The following CYP2A7 variants were observed in gnomAD, a reference collection of about 807,000 sequenced individuals.
CYP2A7 encodes cytochrome P450 2A7.
In CYP2A7, 36 loss-of-function variants were observed where a neutral mutation model predicts 42.0. The ratio of observed to expected loss-of-function variants is 0.86; its 90% CI spans 0.66 to 1.13. CYP2A7 has a LOEUF of 1.13. CYP2A7 is among the 50% of genes most tolerant of loss of function. The pLI, the probability that CYP2A7 is intolerant of heterozygous loss-of-function variation, is 0.00. For missense variants in CYP2A7, 661 were observed against 634.1 expected, an observed-to-expected ratio of 1.04 and a Z score of -0.46; for synonymous variants, 260 against 249.5, an observed-to-expected ratio of 1.04 and a Z score of -0.40.
At chr19:40,878,353 G>A (rs568066404) in intron 5 of CYP2A7, among the ~76,000 whole-genome samples, 5 of 151,720 alleles carry the variant, frequency 3.3e-5, no homozygotes, top group South Asian at 4.2e-4. Flanking sequence ...CTGCACACGC[G>A]CATGACCATG....
intron 2 of CYP2A7, 144 bp downstream of exon 2, chr19:40,881,445 C>G: frequency 1.4e-6 from 2 of 1,400,138 alleles, no homozygotes; most frequent in Non-Finnish European, 1.9e-6. Flanking sequence ...ATGGAGAGGC[C>G]ACAGTGAAGG....
chr19:40,876,617 A>G lies in CYP2A7; in HGVS notation c.1213T>C (p.Phe405Leu). The change falls in exon 8 of 9, where the codon TTC (phenylalanine) becomes CTC (leucine). Residue 405 changes from phenylalanine to leucine, a missense_variant. Coordinates refer to ENST00000301146, the MANE Select transcript of CYP2A7 (RefSeq NM_000764.3). ...LGSVLRDPSF[F>L]SNPQDFNPQH... ...GGATTGAAGTCCTGAGGGTTGGAGA[A>G]GAAGCTGGGGTCTCTCAGCACGGAG... is the stretch of plus-strand genomic sequence containing the variant. 6.2e-7 allele frequency: 1 copy of G among 1,613,088 alleles called. No individual in the cohort carries two copies. Among genetic ancestry groups the G allele is most frequent in the South Asian group, 1.1e-5 (1 of 91,030 alleles).
intron 4 of CYP2A7, 149 bp downstream of exon 4, chr19:40,879,935 G>T: frequency 1.5e-6 from 2 of 1,332,576 alleles, no homozygotes; most frequent in South Asian, 2.8e-5. Context: ...CAGGCTTCTG[G>T]TGCAACTGTC....
chr19:40,878,648 T>C, intron 5 of CYP2A7, 112 bp downstream of exon 5: 1 of 1,443,170 alleles, frequency 6.9e-7, no homozygotes, highest in East Asian at 2.4e-5. Context: ...TTGTGAGGAT[T>C]ATTATGATGA....
At chr19:40,878,708 G>C (rs1967591428) in intron 5 of CYP2A7, 52 bp downstream of exon 5, 1 of 1,599,030 alleles carries the variant, frequency 6.3e-7, no homozygotes, top group Non-Finnish European at 8.5e-7. Context: ...CTCCCAGTCT[G>C]ATTTCCCTCT....
In CYP2A7 at chr19:40,880,064, G is replaced by C. The variant is rs781141177; in HGVS notation, c.654+20C>G. The C allele has an allele frequency of 1.9e-6, 3 of 1,611,142 alleles. No homozygotes were observed. Among genetic ancestry groups the C allele is most frequent in the South Asian group, 1.1e-5 (1 of 90,904 alleles). ...GCAGGTTGTGGTAGGGGCGTCACGG[G>C]CCGGGCTGCAGCCAGTTACCTGCCC... is the stretch of plus-strand genomic sequence containing the variant. On this transcript the variant is annotated intron_variant, in intron 4 of 8. Coordinates refer to ENST00000301146, the MANE Select transcript of CYP2A7 (RefSeq NM_000764.3).
rs761370092 is a variant in CYP2A7 at position 40,882,224 on chromosome 19, T to A, written c.-14A>T. ...TGAGGCCAGCATGGTGGTAGTGAGA[T>A]GACAGATGGTGATGGGTGGGGTGGT... On this transcript the variant is annotated 5_prime_UTR_variant, in exon 1 of 9. Transcript: ENST00000301146. The A allele has an allele frequency of 6.2e-7, 1 of 1,611,806 alleles. No individual in the cohort carries two copies. The highest frequency in any genetic ancestry group is 1.1e-5 in the South Asian group (1 of 90,914).
In CYP2A7 at chr19:40,881,479, CG is replaced by C. The variant is rs1967684997; in HGVS notation, c.343+109del. ...GGGAGATGGGGAGATAAGACCAGAC[CG>C]GGGGTTCTGCCATAGCCTCCAGTGG... On this transcript the variant is annotated intron_variant, in intron 2 of 8. Transcript: ENST00000301146. 5 of 1,555,148 alleles carry C rather than the reference CG, an allele frequency of 3.2e-6. No homozygotes were observed. The African/African-American group carries it at 4.1e-5, about 13-fold the overall frequency.
chr19:40,876,291 G>A (rs1967528747), intron 8 of CYP2A7: 1 of 646,246 alleles, frequency 1.5e-6, no homozygotes. Flanking sequence ...TGAGGAATCT[G>A]CTGTGTGACC....
At chr19:40,876,786 A>G (rs905673865) in intron 7 of CYP2A7, 118 bp from the exon 8 acceptor site, 1 of 1,377,176 alleles carries the variant, frequency 7.3e-7, no homozygotes, top group African/African-American at 1.4e-5. Context: ...GGCATGGAGG[A>G]GTTGGGGTCC....
intron 5 of CYP2A7, 30 bp downstream of exon 5, chr19:40,878,730 C>T (rs779427342): frequency 5.6e-6 from 9 of 1,605,956 alleles, no homozygotes; most frequent in Non-Finnish European, 7.7e-6. Flanking sequence ...CCTGGCTTTG[C>T]ACCTCCCCGC....
intron 4 of CYP2A7, among the ~76,000 whole-genome samples, chr19:40,879,751 T>C (rs1006902480): frequency 2.0e-5 from 3 of 151,450 alleles, no homozygotes; most frequent in African/African-American, 7.3e-5. Context: ...CGCAGTCATT[T>C]GTCCAGGTGT....
At chr19:40,879,014 A>G in intron 4 of CYP2A7, 78 bp from the exon 5 acceptor site, 1 of 1,521,860 alleles carries the variant, frequency 6.6e-7, no homozygotes, top group South Asian at 1.2e-5. Context: ...GATTTGTTTC[A>G]TAGCAAGGAA....
rs183800047 is a variant in CYP2A7 at position 40,881,798 on chromosome 19, G to T, written c.181-47C>A. On this transcript the variant is annotated intron_variant, in intron 1 of 8. Transcript: ENST00000301146. ...GGTTAGAGGGAGCAGCCCCCACTCT[G>T]AATGGGGCCCAGCACCGAGATGTCA... 5.9e-4 allele frequency: 942 copies of T among 1,599,538 alleles called. 2 individuals carry two copies. The African/African-American group carries it at 0.011, about 19-fold the overall frequency.
chr19:40,877,461 T>G, intron 6 of CYP2A7, 84 bp from the exon 7 acceptor site: 1 of 1,561,632 alleles, frequency 6.4e-7, no homozygotes, highest in Non-Finnish European at 8.7e-7. Flanking sequence ...ACGGGGTGGA[T>G]GATACGGCTC....
rs546874214 is a variant in CYP2A7, at chr19:40,876,991, G to A, written c.1161+199C>T. 26 of 678,554 alleles carry A rather than the reference G, an allele frequency of 3.8e-5. 1 individual carries two copies. The Admixed American group carries it at 3.9e-4, about 10-fold the overall frequency. The allele number at this position is 678,554 out of a possible 1,614,324, so 42.0% of individuals were successfully genotyped here. On this transcript the variant is annotated intron_variant, in intron 7 of 8. Coordinates refer to ENST00000301146, the MANE Select transcript of CYP2A7 (RefSeq NM_000764.3). ...TTTGGAACTTGAGTTTGATTCTCCC[G>A]ACACAAAGAGTCTGGGGAGATGCAG...
At chr19:40,881,181 G>A (rs1372569442) in intron 2 of CYP2A7, among the ~76,000 whole-genome samples, 1 of 151,600 alleles carries the variant, frequency 6.6e-6, no homozygotes, top group Non-Finnish European at 1.5e-5. Context: ...AGAATAGCAT[G>A]AAATCCTAAG....
chr19:40,879,869 A>G (rs12982314), intron 4 of CYP2A7, among the ~76,000 whole-genome samples: 114,671 of 148,924 alleles, frequency 0.77, 44,746 homozygotes, highest in African/African-American at 0.82. Flanking sequence ...TATGTATCCT[A>G]CCAGCAGGCT....
intron 2 of CYP2A7, among the ~76,000 whole-genome samples, chr19:40,881,177 G>C (rs1480468481): frequency 6.6e-6 from 1 of 151,592 alleles, no homozygotes; most frequent in East Asian, 1.9e-4. Flanking sequence ...AGTAAGAATA[G>C]CATGAAATCC....
Sources: allele counts gnomAD v4.1 joint callset (sites outside exome capture counted in the v4.1 genomes callset), GRCh38; gene constraint gnomAD v4.1.1; transcripts MANE v1.5; gene names NCBI Gene and HGNC (gene_info 2026-07-23, HGNC 2026-07-21).